The following PLCB4 variants were observed in gnomAD, a reference collection of about 807,000 sequenced individuals.
PLCB4 encodes phospholipase C beta 4.
PLCB4 carries 77 observed loss-of-function variants against 178.8 expected under a neutral mutation model. That is an observed-to-expected ratio of 0.43 (90% CI 0.36 to 0.52). The LOEUF is 0.52. Ranked by LOEUF, PLCB4 falls within the 20% of genes least tolerant of loss-of-function variation. PLCB4 has a pLI of 0.00. For missense variants in PLCB4, 1,024 were observed against 1,453.4 expected (o/e 0.70, Z 4.80); for synonymous variants, 496 against 490.8 (o/e 1.01, Z -0.14).
intron 2 of PLCB4, among the ~76,000 whole-genome samples, chr20:9,201,567 T>C (rs2093546563): frequency 6.6e-6 from 1 of 152,184 alleles, no homozygotes; most frequent in Non-Finnish European, 1.5e-5. Context: ...TCTTGCCTTG[T>C]TTTTAAAAAG....
intron 1 of PLCB4, among the ~76,000 whole-genome samples, chr20:9,090,451 T>C (rs6056399): frequency 0.88 from 132,583 of 151,272 alleles, 58,544 homozygotes; most frequent in East Asian, 1. Flanking sequence ...AAAATGGAAG[T>C]GTGCTTTGTC....
intron 3 of PLCB4, among the ~76,000 whole-genome samples, chr20:9,300,789 T>G (rs1029048600): frequency 6.6e-6 from 1 of 152,136 alleles, no homozygotes; most frequent in Non-Finnish European, 1.5e-5. Context: ...CCAAACTTAT[T>G]TGGCAACTTT....
At chr20:9,151,309 G>A (rs2092686313) in intron 2 of PLCB4, among the ~76,000 whole-genome samples, 1 of 152,126 alleles carries the variant, frequency 6.6e-6, no homozygotes, top group Non-Finnish European at 1.5e-5. Flanking sequence ...TTTGGTACCT[G>A]TGGGGGATCC....
rs370013098 is a variant in PLCB4 at position 9,432,648 on chromosome 20, CA to C, written c.2525-2909del. Among the ~76,000 whole-genome samples, 4 of 152,312 alleles carry C rather than the reference CA, an allele frequency of 2.6e-5. No individual in the cohort carries two copies. In the South Asian group the frequency reaches 6.2e-4, roughly 24 times the overall value. ...AGAAGAGGCATTTGGGAGTCAGGCA[CA>C]AAGAGTTGTGCTAAAAGTCTAGGTT... On this transcript the variant is annotated intron_variant, in intron 28 of 39. Coordinates refer to ENST00000378473, the MANE Select transcript of PLCB4 (RefSeq NM_001377142.1).
At chr20:9,294,010 T>C (rs1001657567) in intron 3 of PLCB4, among the ~76,000 whole-genome samples, 1 of 152,174 alleles carries the variant, frequency 6.6e-6, no homozygotes, top group Non-Finnish European at 1.5e-5. Context: ...GGGAAGATGC[T>C]GCTTTCCAGT....
At chr20:9,085,570 A>AT (rs1160221982) in intron 1 of PLCB4, among the ~76,000 whole-genome samples, 4 of 152,088 alleles carry the variant, frequency 2.6e-5, no homozygotes, top group African/African-American at 9.7e-5. Context: ...TAAGCAATGC[A>AT]TTTTTTAACA....
At chr20:9,398,213 T>C (rs2038754178) in intron 19 of PLCB4, among the ~76,000 whole-genome samples, 1 of 152,158 alleles carries the variant, frequency 6.6e-6, no homozygotes, top group Admixed American at 6.5e-5. Context: ...CTATGTTTTA[T>C]TCATCGAAGC....
At chr20:9,397,948 TG>T (rs1470111623) in intron 19 of PLCB4, among the ~76,000 whole-genome samples, 4 of 152,216 alleles carry the variant, frequency 2.6e-5, no homozygotes, top group Non-Finnish European at 5.9e-5. Context: ...TGGGGCTGAC[TG>T]GTTCCCTTGG....
intron 2 of PLCB4, among the ~76,000 whole-genome samples, chr20:9,151,592 T>C (rs1600735327): frequency 6.6e-6 from 1 of 152,258 alleles, no homozygotes; most frequent in African/African-American, 2.4e-5. Context: ...CCTTTCAGCC[T>C]CCCGCCATGA....
chr20:9,081,186 A>G (rs564342664), intron 1 of PLCB4, among the ~76,000 whole-genome samples: 2 of 152,322 alleles, frequency 1.3e-5, no homozygotes, highest in African/African-American at 2.4e-5. Context: ...ACACTACTTT[A>G]TAAGTTTACA....
chr20:9,436,195 A>G (rs551651934), intron 29 of PLCB4, among the ~76,000 whole-genome samples: 21 of 152,342 alleles, frequency 1.4e-4, no homozygotes, highest in Non-Finnish European at 2.4e-4. Flanking sequence ...CTCATTATGT[A>G]TATGTAAATG....
rs769502677 is a variant in PLCB4, at chr20:9,423,873, T to C, written c.2445T>C (p.Asn815=). ...GATATCGACACATTTCCCTTCGAAA[T>C]GAGGGAAATAAACCATTATCACTAC... ...QAGYRHISLR[N]EGNKPLSLPT... is the part of the protein sequence containing the mutation. Residue 815 remains asparagine, a synonymous_variant, in exon 28 of 40, where the codon AAT becomes AAC. Coordinates refer to ENST00000378473, the MANE Select transcript of PLCB4 (RefSeq NM_001377142.1). The C allele has an allele frequency of 4.5e-5, 72 of 1,612,758 alleles. No homozygotes were observed. Among genetic ancestry groups the C allele is most frequent in the South Asian group, 1.8e-4 (16 of 91,070 alleles).
chr20:9,339,381 C>T (rs2032910771), intron 7 of PLCB4, among the ~76,000 whole-genome samples: 1 of 152,080 alleles, frequency 6.6e-6, no homozygotes, highest in Non-Finnish European at 1.5e-5. Context: ...TTCTAACAAG[C>T]TCCCAGGTGG....
At chr20:9,319,445 A>G (rs2094935559) in intron 4 of PLCB4, among the ~76,000 whole-genome samples, 1 of 152,164 alleles carries the variant, frequency 6.6e-6, no homozygotes. Context: ...ATATATAGGT[A>G]GGAAGAGATT....
In PLCB4 at chr20:9,162,205, G is replaced by T. The variant is rs148466562; in HGVS notation, c.-78-55185G>T. 2.0e-3 allele frequency among the ~76,000 whole-genome samples: 302 copies of T among 152,298 alleles called. 10 individuals carry two copies. The East Asian group carries it at 0.052, about 26-fold the overall frequency. On this transcript the variant is annotated intron_variant, in intron 2 of 39. Transcript: ENST00000378473. ...TTTGTCCCTTGTTCCCTGAAACAAT[G>T]AGTTGACTTTACCCTGAGCATCCTG...
At chr20:9,202,626 A>C (rs964804063) in intron 2 of PLCB4, among the ~76,000 whole-genome samples, 1 of 152,158 alleles carries the variant, frequency 6.6e-6, no homozygotes, top group African/African-American at 2.4e-5. Flanking sequence ...TCCCAGAAGC[A>C]GTTTCATATC....
chr20:9,126,144 G>T (rs1209640970), intron 2 of PLCB4, among the ~76,000 whole-genome samples: 1 of 152,090 alleles, frequency 6.6e-6, no homozygotes, highest in Non-Finnish European at 1.5e-5. Context: ...ATACTTCTAA[G>T]CAAGTGTTAT....
intron 19 of PLCB4, among the ~76,000 whole-genome samples, chr20:9,399,995 C>T (rs1456732889): frequency 1.3e-5 from 2 of 152,130 alleles, no homozygotes; most frequent in African/African-American, 2.4e-5. Context: ...TCTAGTTCCT[C>T]GTTTATAAGT....
intron 1 of PLCB4, among the ~76,000 whole-genome samples, chr20:9,078,455 C>T (rs577662435): frequency 7.9e-5 from 12 of 151,640 alleles, no homozygotes; most frequent in African/African-American, 2.4e-4. Flanking sequence ...GGTGCGATCT[C>T]GGCTCACTGC....
Sources: gnomAD v4.1 joint callset for allele counts (sites outside exome capture counted in the v4.1 genomes callset) on GRCh38, gnomAD v4.1.1 for gene constraint, MANE v1.5 for transcripts, NCBI Gene and HGNC (gene_info 2026-07-23, HGNC 2026-07-21) for gene names.